KATNA1: variants seen among roughly 807,000 people sequenced by gnomAD.
KATNA1 encodes katanin catalytic subunit A1.
In KATNA1, 42 loss-of-function variants were observed where a neutral mutation model predicts 62.6. The observed-to-expected ratio is 0.67, with a 90% CI of 0.52 to 0.87. The LOEUF (loss-of-function observed/expected upper bound fraction) is 0.87, where lower values mean the gene tolerates loss of function less well. Ranked by LOEUF, KATNA1 falls within the 40% of genes least tolerant of loss-of-function variation. KATNA1 has a pLI of 0.00. For synonymous variants in KATNA1, 186 were observed against 201.9 expected (o/e 0.92, Z 0.67); for missense variants, 498 against 612.5 (o/e 0.81, Z 1.97).
chr6:149,624,578 C>G (rs1217572638), intron 3 of KATNA1, among the ~76,000 whole-genome samples: 2 of 152,060 alleles, frequency 1.3e-5, no homozygotes, highest in African/African-American at 2.4e-5. Context: ...CAAGGTCTCA[C>G]TATGTTGCCT....
intron 4 of KATNA1, among the ~76,000 whole-genome samples, chr6:149,622,646 G>A (rs865841164): frequency 4.6e-5 from 7 of 151,864 alleles, no homozygotes; most frequent in Admixed American, 2.6e-4. Flanking sequence ...CAGCCTAGAT[G>A]TAGTATAACT....
intron 4 of KATNA1, among the ~76,000 whole-genome samples, chr6:149,613,981 G>A (rs1779068535): frequency 6.6e-6 from 1 of 152,156 alleles, no homozygotes. Context: ...TCCAGAGGAT[G>A]CAGCCCTCAC....
At chr6:149,604,627 C>T (rs775271572) in intron 5 of KATNA1, 34 bp downstream of exon 5, 1 of 1,611,180 alleles carries the variant, frequency 6.2e-7, no homozygotes, top group Non-Finnish European at 8.5e-7. Context: ...ATAGCATCAC[C>T]AGCACCCAAT....
chr6:149,625,724 A>C (rs1036670632), intron 3 of KATNA1, among the ~76,000 whole-genome samples: 1 of 152,192 alleles, frequency 6.6e-6, no homozygotes, highest in East Asian at 1.9e-4. Flanking sequence ...ACCTGAGGTC[A>C]GGAGTTCAAG....
intron 4 of KATNA1, among the ~76,000 whole-genome samples, 161 bp downstream of exon 4, chr6:149,622,942 G>A (rs1313677255): frequency 1.3e-5 from 2 of 152,082 alleles, no homozygotes; most frequent in African/African-American, 4.8e-5. Context: ...CCAGGAGGTG[G>A]AAGTTGCAGT....
chr6:149,630,600 C>A (rs1779792787), intron 3 of KATNA1, among the ~76,000 whole-genome samples: 1 of 152,034 alleles, frequency 6.6e-6, no homozygotes, highest in Non-Finnish European at 1.5e-5. Flanking sequence ...TGCACTCCAG[C>A]CTGGGCGAAA....
At chr6:149,600,178 T>C (rs940428184) in intron 7 of KATNA1, among the ~76,000 whole-genome samples, 3 of 119,084 alleles carry the variant, frequency 2.5e-5, no homozygotes, top group African/African-American at 3.4e-5. Context: ...CTGTGCAATA[T>C]AGTGAGAGCT....
chr6:149,595,218 C>T lies in KATNA1; in HGVS notation c.1294G>A (p.Ala432Thr). 6.2e-7 allele frequency: 1 copy of T among 1,613,726 alleles called. No individual in the cohort carries two copies. ...TNVCRDASLM[A>T]MRRRIEGLTP... ...AAACCTTCAATGCGCCTTCTCATTG[C>T]CATCAAGGACGCATCCCTAGGTTTT... is the stretch of plus-strand genomic sequence containing the variant. The change falls in exon 11 of 11, where the codon GCA (alanine) becomes ACA (threonine). Residue 432 changes from alanine to threonine, a missense_variant. By Grantham distance (58) the Ala-to-Thr change is moderately conservative (BLOSUM62 0). This residue lies in a region of KATNA1 where 267 missense variants were observed against 372.6 expected (regional missense o/e 0.72). Coordinates refer to ENST00000367411, the MANE Select transcript of KATNA1 (RefSeq NM_007044.4).
chr6:149,629,664 T>C (rs149912274), intron 3 of KATNA1, among the ~76,000 whole-genome samples: 9 of 140,766 alleles, frequency 6.4e-5, no homozygotes, highest in African/African-American at 1.9e-4. Flanking sequence ...GGGAAAAAAT[T>C]ATAAATGTGG....
chr6:149,627,681 C>CA (rs33939382), intron 3 of KATNA1, among the ~76,000 whole-genome samples: 14,895 of 147,930 alleles, frequency 0.1, 2,658 homozygotes, highest in African/African-American at 0.35. Flanking sequence ...GACTCTGTCT[C>CA]AAAAAAAAAG....
chr6:149,627,465 C>A, intron 3 of KATNA1, among the ~76,000 whole-genome samples: 1 of 148,174 alleles, frequency 6.7e-6, no homozygotes, highest in Non-Finnish European at 1.5e-5. Context: ...ACTTGGGAGG[C>A]TGCAGTAAGC....
intron 4 of KATNA1, among the ~76,000 whole-genome samples, chr6:149,608,702 AC>A (rs1778832728): frequency 6.7e-6 from 1 of 148,992 alleles, no homozygotes; most frequent in African/African-American, 2.5e-5. Context: ...TCTCTCCCCC[AC>A]CCCTCCCCGC....
chr6:149,606,354 A>G (rs899873653), intron 4 of KATNA1, among the ~76,000 whole-genome samples: 1 of 152,190 alleles, frequency 6.6e-6, no homozygotes, highest in Admixed American at 6.6e-5. Flanking sequence ...AAGAAAATTT[A>G]TGAAGCCCTG....
chr6:149,637,341 C>T (rs950736411), intron 2 of KATNA1, among the ~76,000 whole-genome samples: 1 of 152,080 alleles, frequency 6.6e-6, no homozygotes, highest in African/African-American at 2.4e-5. Flanking sequence ...GAGCCTGAGC[C>T]TGGGAGGTCA....
chr6:149,637,569 G>A (rs553013797), intron 2 of KATNA1, among the ~76,000 whole-genome samples: 7 of 152,172 alleles, frequency 4.6e-5, no homozygotes, highest in Non-Finnish European at 8.8e-5. Context: ...GCTCATGCCT[G>A]TAATCCCAGC....
At chr6:149,636,562 T>C (rs1350624301) in intron 2 of KATNA1, among the ~76,000 whole-genome samples, 1 of 152,044 alleles carries the variant, frequency 6.6e-6, no homozygotes, top group African/African-American at 2.4e-5. Context: ...AGGACAAATA[T>C]TGAACAATAT....
chr6:149,632,528 T>A (rs1296628793), intron 3 of KATNA1, among the ~76,000 whole-genome samples: 1 of 152,232 alleles, frequency 6.6e-6, no homozygotes, highest in Non-Finnish European at 1.5e-5. Flanking sequence ...TCTCTACCAC[T>A]GTAAGGTCAT....
At chr6:149,633,467 C>T (rs558790254) in intron 2 of KATNA1, among the ~76,000 whole-genome samples, 2 of 152,180 alleles carry the variant, frequency 1.3e-5, no homozygotes, top group East Asian at 1.9e-4. Flanking sequence ...GAAACATCCA[C>T]GCCTGTAATC....
rs573825687 is a variant in KATNA1, at chr6:149,596,613, G to A, written c.1277+450C>T. Among the ~76,000 whole-genome samples the A allele has an allele frequency of 5.7e-3, 860 of 151,156 alleles. 6 individuals are homozygous for A. Among genetic ancestry groups the A allele is most frequent in the African/African-American group, 0.02 (817 of 41,158 alleles). On this transcript the variant is annotated intron_variant, in intron 10 of 10. Coordinates refer to ENST00000367411, the MANE Select transcript of KATNA1 (RefSeq NM_007044.4). ...TTTGGACACAGGGTCTTGCTTTGTC[G>A]CCCAGGCTGGGGTGCAGTGGCACAA...
Sources: allele counts gnomAD v4.1 joint callset (sites outside exome capture counted in the v4.1 genomes callset), GRCh38; gene constraint gnomAD v4.1.1; regional missense constraint gnomAD v4.1.1; transcripts MANE v1.5; gene names NCBI Gene and HGNC (gene_info 2026-07-23, HGNC 2026-07-21).